The following MFHAS1 variants were observed in gnomAD, a reference collection of about 807,000 sequenced individuals.
MFHAS1 encodes the protein malignant fibrous histiocytoma-amplified sequence 1.
In MFHAS1, 50 loss-of-function variants were observed where a neutral mutation model predicts 70.4. The ratio of observed to expected loss-of-function variants is 0.71; its 90% CI spans 0.57 to 0.90. MFHAS1 has a LOEUF of 0.90. Among genes scored for constraint, MFHAS1 ranks in the 40% least tolerant of loss-of-function variants. MFHAS1 has a pLI of 0.00. For missense variants in MFHAS1, 1,795 were observed against 1,347.6 expected, an observed-to-expected ratio of 1.33 and a Z score of -5.20; for synonymous variants, 952 against 620.0, an observed-to-expected ratio of 1.54 and a Z score of -7.96.
chr8:8,789,023 G>C (rs1805641905), intron 2 of MFHAS1, among the ~76,000 whole-genome samples: 2 of 152,132 alleles, frequency 1.3e-5, no homozygotes, highest in Admixed American at 6.5e-5. Flanking sequence ...ATGTGATGAG[G>C]TCTGATGTTA....
chr8:8,808,262 G>A (rs769825391), intron 1 of MFHAS1, among the ~76,000 whole-genome samples: 19 of 139,732 alleles, frequency 1.4e-4, no homozygotes, highest in African/African-American at 4.1e-4. Context: ...CACTGTAGAC[G>A]CTCCCCTGGG....
rs756274117 is a variant in MFHAS1 at position 8,890,161 on chromosome 8, C to A, written c.2898G>T (p.Leu966=). 4.3e-6 allele frequency: 7 copies of A among 1,614,054 alleles called. No individual in the cohort carries two copies. The East Asian group carries it at 6.7e-5, about 15-fold the overall frequency. The part of the protein sequence containing the change: ...WQAITPLVEE[L]NVLLQEWPGL... ...CAGGCCATTCCTGAAGTAGGACATT[C>A]AGTTCCTCCACCAAGGGGGTTATGG... is the stretch of plus-strand genomic sequence containing the variant. Residue 966 remains leucine (L), a synonymous_variant, in exon 1 of 3, where the codon CTG becomes CTT. Transcript: ENST00000276282.
In MFHAS1 at chr8:8,835,126, C is replaced by T. The variant is rs191933596; in HGVS notation, c.2999-37635G>A. On this transcript the variant is annotated intron_variant, in intron 1 of 2. Coordinates refer to ENST00000276282, the MANE Select transcript of MFHAS1 (RefSeq NM_004225.3). ...CAACCTAATTCCCATGGACAGAAAG[C>T]AGATGAGTGGTTGTTCGAGGGTGAG... Among the ~76,000 whole-genome samples, 26 of 152,230 alleles carry T rather than the reference C, an allele frequency of 1.7e-4. 1 individual carries two copies. The highest frequency in any genetic ancestry group is 3.4e-4 in the Non-Finnish European group (23 of 68,022).
intron 1 of MFHAS1, among the ~76,000 whole-genome samples, chr8:8,871,496 G>C (rs1013569529): frequency 5.9e-5 from 9 of 152,152 alleles, no homozygotes; most frequent in Non-Finnish European, 1.2e-4. Flanking sequence ...GTTGCAGTGA[G>C]CCAAGATCAC....
At chr8:8,829,018 C>T (rs935165565) in intron 1 of MFHAS1, among the ~76,000 whole-genome samples, 1 of 152,156 alleles carries the variant, frequency 6.6e-6, no homozygotes, top group Non-Finnish European at 1.5e-5. Context: ...TCTATTCTCC[C>T]CAGCCTCTCA....
chr8:8,788,166 G>A (rs1250932623), intron 2 of MFHAS1, among the ~76,000 whole-genome samples: 3 of 152,178 alleles, frequency 2.0e-5, no homozygotes, highest in Non-Finnish European at 4.4e-5. Context: ...GCCTGGTTAT[G>A]GCTTTGATTC....
At chr8:8,840,743 A>T (rs1475061124) in intron 1 of MFHAS1, among the ~76,000 whole-genome samples, 1 of 152,040 alleles carries the variant, frequency 6.6e-6, no homozygotes, top group African/African-American at 2.4e-5. Flanking sequence ...CCTAAATCTC[A>T]CACCTCACTA....
intron 1 of MFHAS1, among the ~76,000 whole-genome samples, chr8:8,816,309 C>A (rs991425524): frequency 6.6e-6 from 1 of 152,196 alleles, no homozygotes; most frequent in Non-Finnish European, 1.5e-5. Context: ...CAAGTTATAT[C>A]TCAATTACAA....
intron 1 of MFHAS1, among the ~76,000 whole-genome samples, chr8:8,838,811 CAA>C (rs33959926): frequency 5.1e-5 from 7 of 136,174 alleles, no homozygotes; most frequent in Non-Finnish European, 7.9e-5. Flanking sequence ...GACCCTGCCT[CAA>C]AAAAAAAAAA....
intron 1 of MFHAS1, among the ~76,000 whole-genome samples, chr8:8,876,460 C>T (rs920510104): frequency 6.6e-6 from 1 of 152,060 alleles, no homozygotes; most frequent in East Asian, 1.9e-4. Context: ...GTCGGCCGGG[C>T]GTGGTGGCAC....
chr8:8,855,561 C>G (rs1009456349), intron 1 of MFHAS1, among the ~76,000 whole-genome samples: 11 of 152,162 alleles, frequency 7.2e-5, no homozygotes, highest in Admixed American at 7.2e-4. Context: ...CATGAACTCG[C>G]TACAGTGTTT....
rs558816655 is a variant in MFHAS1 at position 8,865,444 on chromosome 8, G to C, written c.2998+24617C>G. ...ATCAGAAATGGGAAAAGAGACACAA[G>C]GTACAGAGGATGGAGAGGAAGGAGA... is the stretch of plus-strand genomic sequence containing the variant. On this transcript the variant is annotated intron_variant, in intron 1 of 2. Coordinates refer to ENST00000276282, the MANE Select transcript of MFHAS1 (RefSeq NM_004225.3). 3.9e-5 allele frequency among the ~76,000 whole-genome samples: 6 copies of C among 152,182 alleles called. No individual in the cohort carries two copies. In the South Asian group the frequency reaches 1.2e-3, roughly 32 times the overall value.
chr8:8,798,916 C>T lies in MFHAS1; in HGVS notation c.2999-1425G>A, dbSNP rs184560264. 7.9e-5 allele frequency among the ~76,000 whole-genome samples: 12 copies of T among 152,168 alleles called. No homozygotes were observed. In the East Asian group the frequency reaches 1.6e-3, roughly 20 times the overall value. The stretch of plus-strand genomic sequence containing the variant: ...ACAAAAATCAGCTAGGCATTTGTGG[C>T]AGGTGCCTGTAGTCCCAGCTACCCA... On this transcript the variant is annotated intron_variant, in intron 1 of 2. Coordinates refer to ENST00000276282, the MANE Select transcript of MFHAS1 (RefSeq NM_004225.3).
At chr8:8,830,393 T>C (rs1303951336) in intron 1 of MFHAS1, among the ~76,000 whole-genome samples, 1 of 152,220 alleles carries the variant, frequency 6.6e-6, no homozygotes, top group African/African-American at 2.4e-5. Flanking sequence ...AGTATTGTTT[T>C]TGTTCAGCTA....
Position 8,785,918 on chromosome 8 carries a change from C to A in MFHAS1, c.*104G>T, listed in dbSNP as rs1805525369. The stretch of plus-strand genomic sequence containing the variant: ...GCAAGCACGCGTTGTCACTCAAGTT[C>A]ACAGAACACGCTGGGGTGAGTGCAG... On this transcript the variant is annotated 3_prime_UTR_variant, in exon 3 of 3. Transcript: ENST00000276282. 9.6e-7 allele frequency: 1 copy of A among 1,046,350 alleles called. No homozygotes were observed. The highest frequency in any genetic ancestry group is 1.3e-5 in the South Asian group (1 of 78,160). 64.8% of individuals were successfully genotyped at this position (1,046,350 alleles called of 1,614,324 possible).
intron 1 of MFHAS1, among the ~76,000 whole-genome samples, chr8:8,806,655 G>C (rs1418637796): frequency 6.6e-6 from 1 of 152,022 alleles, no homozygotes; most frequent in Non-Finnish European, 1.5e-5. Flanking sequence ...GATTTCTCTG[G>C]AATTTCTAAA....
intron 1 of MFHAS1, among the ~76,000 whole-genome samples, chr8:8,884,161 T>C (rs895157067): frequency 6.6e-6 from 1 of 152,018 alleles, no homozygotes; most frequent in Non-Finnish European, 1.5e-5. Flanking sequence ...AAGAGTCTAT[T>C]CCAGGGTTTA....
At position 8,783,963 on chromosome 8, in the gene MFHAS1, C is replaced by A. The variant is rs1351589116; in HGVS notation, c.*2059G>T. On this transcript the variant is annotated 3_prime_UTR_variant, in exon 3 of 3. Transcript: ENST00000276282. Reference sequence around the variant, plus strand: ...GACACATGTGACACCAAGGTTTCCTCTGACACTGCTTCTCTAGGGTTCAGA... The same window carrying A: ...GACACATGTGACACCAAGGTTTCCTATGACACTGCTTCTCTAGGGTTCAGA... 2 of 152,160 alleles carry A rather than the reference C, an allele frequency of 1.3e-5. No individual in the cohort carries two copies. Among genetic ancestry groups the A allele is most frequent in the African/African-American group, 4.8e-5 (2 of 41,422 alleles). The allele number at this position is 152,160 out of a possible 1,614,324, so 9.4% of individuals were successfully genotyped here. A position where few individuals can be genotyped will look rare whatever the true frequency, so the allele number is the denominator to read the frequency against.
At chr8:8,795,515 G>T (rs987995425) in intron 2 of MFHAS1, among the ~76,000 whole-genome samples, 1 of 152,212 alleles carries the variant, frequency 6.6e-6, no homozygotes, top group Non-Finnish European at 1.5e-5. Flanking sequence ...TAGTTAAATA[G>T]TACTCTGAAT....
Sources: allele counts gnomAD v4.1 joint callset (sites outside exome capture counted in the v4.1 genomes callset), GRCh38; gene constraint gnomAD v4.1.1; transcripts MANE v1.5; gene names NCBI Gene and HGNC (gene_info 2026-07-23, HGNC 2026-07-21).